Variants in SUMF1 observed in about 807,000 individuals in gnomAD.
The protein encoded by SUMF1 is formylglycine-generating enzyme.
In SUMF1, 48 loss-of-function variants were observed where a neutral mutation model predicts 47.6. The observed-to-expected ratio is 1.01, with a 90% CI of 0.80 to 1.28. The LOEUF (loss-of-function observed/expected upper bound fraction) is 1.28, where lower values mean the gene tolerates loss of function less well. SUMF1 is among the 50% of genes most tolerant of loss of function. SUMF1 has a pLI of 0.00. For synonymous variants in SUMF1, 230 were observed against 192.1 expected (o/e 1.20, Z -1.63); for missense variants, 571 against 485.4 (o/e 1.18, Z -1.66).
At chr3:4,088,033 G>A (rs982302668) in intron 8 of SUMF1, among the ~76,000 whole-genome samples, 2 of 152,108 alleles carry the variant, frequency 1.3e-5, no homozygotes, top group East Asian at 3.8e-4. Flanking sequence ...CTAAGCAGAA[G>A]TATGGACTAA....
chr3:4,346,945 A>C (rs1233551444), intron 8 of SUMF1, among the ~76,000 whole-genome samples: 1 of 152,330 alleles, frequency 6.6e-6, no homozygotes, highest in Middle Eastern at 3.4e-3. Context: ...GAAATGGATA[A>C]ATTCCTGGAC....
chr3:4,355,229 G>T (rs1211487842), intron 8 of SUMF1, among the ~76,000 whole-genome samples: 1 of 152,180 alleles, frequency 6.6e-6, no homozygotes, highest in Non-Finnish European at 1.5e-5. Flanking sequence ...GGTGGCATGT[G>T]CCTGTAGTCC....
intron 7 of SUMF1, among the ~76,000 whole-genome samples, chr3:4,384,220 A>C (rs1400222037): frequency 6.6e-6 from 1 of 152,224 alleles, no homozygotes; most frequent in Non-Finnish European, 1.5e-5. Flanking sequence ...TGTCTTTGTT[A>C]ATCTACAATG....
At chr3:4,303,936 T>G in intron 8 of SUMF1, 4 of 1,140,128 alleles carry the variant, frequency 3.5e-6, no homozygotes, top group Non-Finnish European at 4.5e-6. Flanking sequence ...GCCCCTCGAG[T>G]CAGCCTTAGC....
rs1699746204 is a variant in SUMF1 at position 4,361,271 on chromosome 3, G to C, written c.*873C>G. Reference sequence around the variant, plus strand: ...ATACCCTGAATATAGCTCATTCAAGGTCCTCGTTCCTTTTTCCCTATATCT... The same window carrying C: ...ATACCCTGAATATAGCTCATTCAAGCTCCTCGTTCCTTTTTCCCTATATCT... On this transcript the variant is annotated 3_prime_UTR_variant, in exon 9 of 9. Coordinates refer to ENST00000272902, the MANE Select transcript of SUMF1 (RefSeq NM_182760.4). The C allele has an allele frequency of 6.6e-6, 1 of 152,550 alleles. No homozygotes were observed. The highest frequency in any genetic ancestry group is 2.4e-5 in the African/African-American group (1 of 41,416). 9.4% of individuals were successfully genotyped at this position (152,550 alleles called of 1,614,324 possible). A position where few individuals can be genotyped will look rare whatever the true frequency, so the allele number is the denominator to read the frequency against.
At chr3:4,209,202 C>A (rs1695721162) in intron 8 of SUMF1, among the ~76,000 whole-genome samples, 1 of 152,100 alleles carries the variant, frequency 6.6e-6, no homozygotes, top group African/African-American at 2.4e-5. Flanking sequence ...CTGCAGTTGA[C>A]TTTAAGGACC....
chr3:4,087,923 C>A (rs937978896), intron 8 of SUMF1, among the ~76,000 whole-genome samples: 1 of 151,728 alleles, frequency 6.6e-6, no homozygotes, highest in Non-Finnish European at 1.5e-5. Context: ...TTGTTAACAG[C>A]CTGAAAAAGT....
chr3:4,105,997 T>A (rs1693148964), intron 8 of SUMF1, among the ~76,000 whole-genome samples: 1 of 151,296 alleles, frequency 6.6e-6, no homozygotes, highest in South Asian at 2.1e-4. Flanking sequence ...TATACACCTC[T>A]ACTTCATTTT....
intron 8 of SUMF1, among the ~76,000 whole-genome samples, chr3:4,296,113 CT>C (rs11348614): frequency 0.54 from 81,504 of 150,514 alleles, 22,478 homozygotes; most frequent in African/African-American, 0.63. Flanking sequence ...TATGCCTTTG[CT>C]TTTTTAAAAA....
chr3:4,285,235 C>T (rs949190954), intron 8 of SUMF1, among the ~76,000 whole-genome samples: 2 of 152,176 alleles, frequency 1.3e-5, no homozygotes, highest in Non-Finnish European at 2.9e-5. Context: ...ATAGTATCTC[C>T]TCTTTCGAAA....
In SUMF1 at chr3:4,348,894, A is replaced by G. The variant is rs1699430081; in HGVS notation, c.1014+27436T>C. 2.0e-5 allele frequency among the ~76,000 whole-genome samples: 3 copies of G among 152,174 alleles called. No homozygotes were observed. The South Asian group carries it at 6.2e-4, about 31-fold the overall frequency. On this transcript the variant is annotated intron_variant and NMD_transcript_variant, in intron 8 of 12. Transcript: ENST00000448413. The stretch of plus-strand genomic sequence containing the variant: ...CCGTCTCAAACAAACAAACAAACAA[A>G]ACCCTAGAAGAAAACCTAGGCAATA...
chr3:4,301,739 A>T (rs1222962713), intron 8 of SUMF1, among the ~76,000 whole-genome samples: 1 of 152,232 alleles, frequency 6.6e-6, no homozygotes, highest in South Asian at 2.1e-4. Context: ...AGAAAAAGCA[A>T]GACTGGCAGA....
At chr3:4,298,744 G>A (rs1395716478) in intron 8 of SUMF1, among the ~76,000 whole-genome samples, 1 of 152,010 alleles carries the variant, frequency 6.6e-6, no homozygotes, top group African/African-American at 2.4e-5. Context: ...TCCCCTAATT[G>A]GTAAACTGGA....
At chr3:4,455,125 G>C (rs1703111877) in intron 1 of SUMF1, among the ~76,000 whole-genome samples, 1 of 152,094 alleles carries the variant, frequency 6.6e-6, no homozygotes, top group Admixed American at 6.5e-5. Context: ...CATACCATCT[G>C]TCAGAAATAC....
chr3:4,163,279 T>C (rs1694620642), intron 8 of SUMF1, among the ~76,000 whole-genome samples: 1 of 148,874 alleles, frequency 6.7e-6, no homozygotes, highest in Non-Finnish European at 1.5e-5. Flanking sequence ...GTTTTTATTG[T>C]ACCAAAGCAG....
chr3:4,234,655 T>A (rs1204791009), intron 8 of SUMF1, among the ~76,000 whole-genome samples: 1 of 152,114 alleles, frequency 6.6e-6, no homozygotes, highest in Non-Finnish European at 1.5e-5. Flanking sequence ...TGCAAACACC[T>A]ATTAGTGGTT....
At chr3:4,457,052 G>C (rs1303775057) in intron 1 of SUMF1, among the ~76,000 whole-genome samples, 1 of 101,558 alleles carries the variant, frequency 9.8e-6, no homozygotes, top group African/African-American at 3.4e-5. Context: ...ATATATATAC[G>C]TGTGTGTATA....
chr3:4,345,453 G>C (rs1412111034), intron 8 of SUMF1, among the ~76,000 whole-genome samples: 1 of 152,160 alleles, frequency 6.6e-6, no homozygotes, highest in Non-Finnish European at 1.5e-5. Context: ...AAGCGAAGGA[G>C]AAATAAAATC....
At chr3:4,260,577 A>G (rs964901692) in intron 8 of SUMF1, among the ~76,000 whole-genome samples, 10 of 152,150 alleles carry the variant, frequency 6.6e-5, no homozygotes, top group African/African-American at 2.4e-4. Flanking sequence ...TATTTGTAGA[A>G]GAATTCTGAA....
Sources: gnomAD v4.1 joint callset for allele counts (sites outside exome capture counted in the v4.1 genomes callset) on GRCh38, gnomAD v4.1.1 for gene constraint, MANE v1.5 for transcripts, NCBI Gene and HGNC (gene_info 2026-07-23, HGNC 2026-07-21) for gene names.